The following COL4A2 variants were observed in gnomAD, a reference collection of about 807,000 sequenced individuals.
The protein encoded by COL4A2 is collagen type IV alpha 2 chain, also known as collagen alpha-2(IV) chain.
COL4A2 carries 99 observed loss-of-function variants against 200.2 expected under a neutral mutation model. That is an observed-to-expected ratio of 0.49 (90% CI 0.42 to 0.58). The LOEUF is 0.58. COL4A2 is among the 20% of genes least tolerant of loss of function. The pLI, the probability that COL4A2 is intolerant of heterozygous loss-of-function variation, is 0.00. For synonymous variants in COL4A2, 897 were observed against 900.6 expected (o/e 1.00, Z 0.07); for missense variants, 1,950 against 2,314.1 (o/e 0.84, Z 3.23).
intron 4 of COL4A2, among the ~76,000 whole-genome samples, chr13:110,371,791 T>G (rs765593366): frequency 2.6e-4 from 40 of 152,230 alleles, no homozygotes; most frequent in Non-Finnish European, 5.6e-4. Context: ...GCCTGGGCGC[T>G]GCAAAGACTG....
chr13:110,400,411 C>A (rs1055069068), intron 4 of COL4A2, among the ~76,000 whole-genome samples: 2 of 152,184 alleles, frequency 1.3e-5, no homozygotes, highest in Non-Finnish European at 2.9e-5. Context: ...GATTTCATAA[C>A]ACAGAAGCTA....
rs1882255821 is a variant in COL4A2, at chr13:110,466,791, A to G, written c.2039-249A>G. On this transcript the variant is annotated intron_variant, in intron 26 of 47. Coordinates refer to ENST00000360467, the MANE Select transcript of COL4A2 (RefSeq NM_001846.4). ...AGGAGGGAATCAATTGTTTGCCAGC[A>G]CAGTGCCAGTTTTTATTTGACTAGA... 2.0e-5 allele frequency among the ~76,000 whole-genome samples: 3 copies of G among 152,222 alleles called. No individual in the cohort carries two copies. In the South Asian group the frequency reaches 6.2e-4, roughly 32 times the overall value.
Position 110,503,474 on chromosome 13 carries a change from A to G in COL4A2, c.4131A>G (p.Gly1377=). The change falls in exon 43 of 48, where the codon GGA becomes GGG. Residue 1377 remains glycine, a synonymous_variant. Coordinates refer to ENST00000360467, the MANE Select transcript of COL4A2 (RefSeq NM_001846.4). The part of the protein sequence containing the change: ...RGPKGPKGDP[G]FPGAPGTVGA... ...CCAAGGGACCCAAGGGAGACCCAGG[A>G]TTCCCTGGTAAGTGACCGTCTGGTA... The G allele has an allele frequency of 6.5e-7, 1 of 1,548,950 alleles. No individual in the cohort carries two copies. Among genetic ancestry groups the G allele is most frequent in the Non-Finnish European group, 8.8e-7 (1 of 1,140,936 alleles).
intron 4 of COL4A2, among the ~76,000 whole-genome samples, chr13:110,370,344 A>ACCT (rs775093300): frequency 1.2e-4 from 18 of 151,822 alleles, no homozygotes; most frequent in Admixed American, 4.6e-4. Flanking sequence ...ACTCAATGCA[A>ACCT]CCTCCGTCTC....
chr13:110,490,892 G>A (rs1883263596), intron 36 of COL4A2, among the ~76,000 whole-genome samples: 1 of 152,168 alleles, frequency 6.6e-6, no homozygotes, highest in Non-Finnish European at 1.5e-5. Flanking sequence ...GCTTTGGAGT[G>A]GAGCCTCCCC....
At chr13:110,429,709 C>G (rs1392373892) in intron 7 of COL4A2, among the ~76,000 whole-genome samples, 176 bp from the exon 8 acceptor site, 3 of 152,148 alleles carry the variant, frequency 2.0e-5, no homozygotes, top group Admixed American at 1.3e-4. Context: ...AATTAAAGGT[C>G]TTACCCTTGT....
intron 4 of COL4A2, among the ~76,000 whole-genome samples, chr13:110,386,649 T>C (rs1245097994): frequency 6.6e-6 from 1 of 152,262 alleles, no homozygotes; most frequent in Non-Finnish European, 1.5e-5. Context: ...AATATATTAA[T>C]ATGCAATTAT....
At chr13:110,322,407 C>T (rs1418475667) in intron 3 of COL4A2, among the ~76,000 whole-genome samples, 2 of 152,154 alleles carry the variant, frequency 1.3e-5, no homozygotes, top group Non-Finnish European at 1.5e-5. Flanking sequence ...AGCCAGTGAG[C>T]GAGGTCTGGG....
intron 4 of COL4A2, among the ~76,000 whole-genome samples, chr13:110,415,058 G>C (rs192243834): frequency 5.0e-3 from 756 of 152,314 alleles, no homozygotes; most frequent in Non-Finnish European, 8.0e-3. Flanking sequence ...ATTTCTGTGA[G>C]TGTCTAGAAA....
intron 37 of COL4A2, 55 bp from the exon 38 acceptor site, chr13:110,492,015 A>G (rs1380932114): frequency 2.4e-5 from 35 of 1,486,320 alleles, no homozygotes; most frequent in Non-Finnish European, 3.0e-5. Context: ...GGACCTCACC[A>G]CACAGCGCCC....
At chr13:110,473,185 C>T in intron 29 of COL4A2, 35 bp downstream of exon 29, 1 of 1,544,032 alleles carries the variant, frequency 6.5e-7, no homozygotes, top group South Asian at 1.2e-5. Flanking sequence ...GGGCCCCATC[C>T]CAGATGCACA....
chr13:110,424,748 A>G lies in COL4A2; in HGVS notation c.195A>G (p.Pro65=). 1 of 1,607,994 alleles carries G rather than the reference A, an allele frequency of 6.2e-7. No homozygotes were observed. Among genetic ancestry groups the G allele is most frequent in the Non-Finnish European group, 8.5e-7 (1 of 1,174,732 alleles). ...TGTTCCCACAGGGTCAGCCTGGGCC[A>G]GTGGGCCCCCAGGGGTACAATGGGC... ...PEKGGRGQPG[P]VGPQGYNGPP... Residue 65 remains proline (P), a synonymous_variant, in exon 5 of 48, where the codon CCA becomes CCG. Transcript: ENST00000360467.
At chr13:110,472,155 G>T (rs896506530) in intron 28 of COL4A2, among the ~76,000 whole-genome samples, 2 of 59,192 alleles carry the variant, frequency 3.4e-5, no homozygotes, top group South Asian at 5.8e-4. Context: ...TCACTCTGTC[G>T]CCCAGGCTGG....
intron 4 of COL4A2, among the ~76,000 whole-genome samples, chr13:110,369,544 T>C (rs1170534125): frequency 6.6e-6 from 1 of 152,218 alleles, no homozygotes; most frequent in Non-Finnish European, 1.5e-5. Context: ...ACACCATTAA[T>C]AGAGAGCACT....
intron 4 of COL4A2, among the ~76,000 whole-genome samples, chr13:110,364,324 G>A (rs1877648501): frequency 6.6e-6 from 1 of 152,158 alleles, no homozygotes; most frequent in Non-Finnish European, 1.5e-5. Context: ...AGCGCTGCAG[G>A]GGCTGTGGCA....
At chr13:110,444,111 C>T (rs1214851618) in intron 16 of COL4A2, among the ~76,000 whole-genome samples, 2 of 152,182 alleles carry the variant, frequency 1.3e-5, no homozygotes, top group Non-Finnish European at 2.9e-5. Context: ...TCAGAGGAAT[C>T]CTGAGTGCTT....
rs138765239 is a variant in COL4A2, at chr13:110,400,781, T to G, written c.181-23953T>G. Among the ~76,000 whole-genome samples the G allele has an allele frequency of 9.3e-3, 1,423 of 152,312 alleles. 14 individuals carry two copies. The highest frequency in any genetic ancestry group is 0.015 in the Non-Finnish European group (1,047 of 68,016). On this transcript the variant is annotated intron_variant, in intron 4 of 47. Transcript: ENST00000360467. ...TAGATTTCTGCTTCCTATAGAGATT[T>G]CCTGCCCACGTACACATATTCTGGT...
At chr13:110,494,947 T>C (rs952681986) in intron 39 of COL4A2, among the ~76,000 whole-genome samples, 3 of 152,234 alleles carry the variant, frequency 2.0e-5, no homozygotes, top group Non-Finnish European at 4.4e-5. Flanking sequence ...CCTGCCATGA[T>C]GGCGATGAGC....
intron 3 of COL4A2, among the ~76,000 whole-genome samples, chr13:110,338,066 G>A (rs780173069): frequency 6.6e-6 from 1 of 152,158 alleles, no homozygotes; most frequent in African/African-American, 2.4e-5. Context: ...GATAGGAACT[G>A]CGTATTGCTC....
Sources: allele counts gnomAD v4.1 joint callset (sites outside exome capture counted in the v4.1 genomes callset), GRCh38; gene constraint gnomAD v4.1.1; transcripts MANE v1.5; gene names NCBI Gene and HGNC (gene_info 2026-07-23, HGNC 2026-07-21).